Variants in PGAP2 observed in about 807,000 individuals in gnomAD.
PGAP2 encodes the protein acyltransferase PGAP2.
PGAP2 carries 21 observed loss-of-function variants against 33.2 expected under a neutral mutation model. The ratio of observed to expected loss-of-function variants is 0.63; its 90% CI spans 0.45 to 0.91. PGAP2 has a LOEUF of 0.91. PGAP2 is among the 40% of genes least tolerant of loss of function. The pLI, the probability that PGAP2 is intolerant of heterozygous loss-of-function variation, is 0.00. For missense variants in PGAP2, 345 were observed against 424.0 expected (o/e 0.81, Z 1.64); for synonymous variants, 161 against 172.9 (o/e 0.93, Z 0.54).
At chr11:3,822,558 C>T (rs2089051409) in intron 3 of PGAP2, among the ~76,000 whole-genome samples, 1 of 151,870 alleles carries the variant, frequency 6.6e-6, no homozygotes, top group African/African-American at 2.4e-5. Flanking sequence ...CACCTGAGCC[C>T]AGGAGGTCAA....
At chr11:3,821,900 T>TA (rs34183866) in intron 3 of PGAP2, among the ~76,000 whole-genome samples, 44,236 of 139,032 alleles carry the variant, frequency 0.32, 6,892 homozygotes, top group East Asian at 0.41. Flanking sequence ...CTGTTGCTAC[T>TA]AAAAAAAAAA....
In PGAP2 at chr11:3,801,765, C is replaced by T. The variant is rs1249243775; in HGVS notation, c.139+3783C>T. On this transcript the variant is annotated intron_variant, in intron 1 of 6. Transcript: ENST00000300730. ...TTCAAGACCAGCCTGGCCAACACGG[C>T]GAAACCTCATCTCTACTAAAAATAA... is the stretch of plus-strand genomic sequence containing the variant. Among the ~76,000 whole-genome samples the T allele has an allele frequency of 2.6e-5, 4 of 151,266 alleles. 1 individual carries two copies. Among genetic ancestry groups the T allele is most frequent in the Admixed American group, 6.6e-5 (1 of 15,170 alleles).
chr11:3,797,920 G>A (rs2082779899), exon 1 of PGAP2: 1 of 1,548,230 alleles, frequency 6.5e-7, no homozygotes, highest in South Asian at 1.2e-5. Context: ...CCCTTCCTTG[G>A]AGCGCCGCGA....
intron 3 of PGAP2, among the ~76,000 whole-genome samples, chr11:3,823,288 G>A (rs915965302): frequency 1.3e-5 from 2 of 151,656 alleles, no homozygotes; most frequent in Non-Finnish European, 2.9e-5. Flanking sequence ...CACCCACCTC[G>A]GCCTCCCAAA....
upstream of PGAP2, chr11:3,808,461 A>G (rs2084851527): frequency 1.3e-6 from 2 of 1,491,762 alleles, no homozygotes; most frequent in Non-Finnish European, 1.8e-6. Flanking sequence ...GAGGAGAGCC[A>G]GGGGTCGGGG....
chr11:3,797,730 CG>C, upstream of PGAP2: 1 of 1,249,186 alleles, frequency 8.0e-7, no homozygotes, highest in Admixed American at 2.8e-5. Context: ...AGAAGGAGTT[CG>C]GGGAGGCACA....
chr11:3,805,774 C>T (rs1268478730), upstream of PGAP2, among the ~76,000 whole-genome samples: 1 of 151,674 alleles, frequency 6.6e-6, no homozygotes, highest in Non-Finnish European at 1.5e-5. Context: ...GCAACCTCTG[C>T]CTCCCAGGTT....
At chr11:3,814,307 A>G (rs1404764677) in intron 2 of PGAP2, among the ~76,000 whole-genome samples, 1 of 152,048 alleles carries the variant, frequency 6.6e-6, no homozygotes, top group Non-Finnish European at 1.5e-5. Flanking sequence ...CCTAGGCTGG[A>G]GTGCAGTGTT....
intron 1 of PGAP2, among the ~76,000 whole-genome samples, chr11:3,800,355 A>G (rs912673987): frequency 5.9e-5 from 9 of 152,186 alleles, no homozygotes; most frequent in African/African-American, 2.2e-4. Flanking sequence ...GTAGGTACAC[A>G]TTAGATATTT....
chr11:3,818,343 A>C (rs1254647348), intron 3 of PGAP2, among the ~76,000 whole-genome samples: 1 of 138,590 alleles, frequency 7.2e-6, no homozygotes, highest in Non-Finnish European at 1.6e-5. Context: ...AAAAAAAAAA[A>C]CAATAACAGT....
At chr11:3,810,244 C>T (rs977587661) in intron 1 of PGAP2, among the ~76,000 whole-genome samples, 1 of 152,134 alleles carries the variant, frequency 6.6e-6, no homozygotes, top group African/African-American at 2.4e-5. Context: ...CCTCTTCTGC[C>T]TCTCTCACTC....
Position 3,811,526 on chromosome 11 carries a change from C to T in PGAP2, c.165+102C>T, listed in dbSNP as rs1264151180. 2.6e-6 allele frequency: 3 copies of T among 1,136,394 alleles called. No individual in the cohort carries two copies. The highest frequency in any genetic ancestry group is 3.1e-5 in the African/African-American group (2 of 64,270). The allele number at this position is 1,136,394 out of a possible 1,614,324, so 70.4% of individuals were successfully genotyped here. On this transcript the variant is annotated intron_variant, in intron 2 of 6. Coordinates refer to ENST00000278243, the MANE Select transcript of PGAP2 (RefSeq NM_014489.4). This position sits in a 1 kb window ranked among gnomAD's most constrained non-coding sequence, Gnocchi z 4.6. ...GATTAGCCAGCTCTCCACTGGGGCC[C>T]ATCAAACATACGGGGCTGCTGGGGG...
At position 3,826,253 on chromosome 11, in the gene PGAP2, A is replaced by G. The variant is rs532658058; in HGVS notation, c.*795A>G. ...GTCAGATGCAGATCTCTACTGTAAA[A>G]TGGGCTCCCTGGTATCTCCTGTCTT... On this transcript the variant is annotated 3_prime_UTR_variant, in exon 7 of 7. Coordinates refer to ENST00000278243, the MANE Select transcript of PGAP2 (RefSeq NM_014489.4). 2 of 152,330 alleles carry G rather than the reference A, an allele frequency of 1.3e-5. No individual in the cohort carries two copies. The highest frequency in any genetic ancestry group is 1.9e-4 in the East Asian group (1 of 5,198). The allele number at this position is 152,330 out of a possible 1,614,324, so 9.4% of individuals were successfully genotyped here. A position where few individuals can be genotyped will look rare whatever the true frequency, so the allele number is the denominator to read the frequency against.
rs769119517 is a variant in PGAP2 at position 3,817,397 on chromosome 11, C to T, written c.210C>T (p.Asp70=). ...TCTCTGCGGCCTCCCAGCCTTTGGA[C>T]CCCGATGGGACCTTGTTCCGGCTTC... is the stretch of plus-strand genomic sequence containing the variant. ...RMFSAASQPL[D]PDGTLFRLRF... Residue 70 remains aspartate (D), a synonymous_variant, in exon 3 of 7, where the codon GAC becomes GAT. Transcript: ENST00000278243. The T allele has an allele frequency of 3.8e-5, 61 of 1,614,084 alleles. No homozygotes were observed. The highest frequency in any genetic ancestry group is 5.3e-5 in the African/African-American group (4 of 74,934).
chr11:3,807,350 C>T (rs540803054), upstream of PGAP2, among the ~76,000 whole-genome samples: 5 of 143,300 alleles, frequency 3.5e-5, no homozygotes, highest in East Asian at 8.7e-4. Flanking sequence ...TCTTGTCGCC[C>T]ATGCTTGAGT....
In PGAP2 at chr11:3,811,450, C is replaced by T. The variant is rs2085547826; in HGVS notation, c.165+26C>T. 6.3e-7 allele frequency: 1 copy of T among 1,595,616 alleles called. No individual in the cohort carries two copies. The highest frequency in any genetic ancestry group is 1.3e-5 in the African/African-American group (1 of 74,462). On this transcript the variant is annotated intron_variant, in intron 2 of 6. Coordinates refer to ENST00000278243, the MANE Select transcript of PGAP2 (RefSeq NM_014489.4). This position sits in a 1 kb window ranked among gnomAD's most constrained non-coding sequence, Gnocchi z 4.6. ...GTAGGGCATGGGGACACTGATACCT[C>T]ATATTCAGGCCGATCTGGATCTTCT...
At chr11:3,824,658 T>G (rs2089670800) in intron 5 of PGAP2, 1 of 729,636 alleles carries the variant, frequency 1.4e-6, no homozygotes, top group Non-Finnish European at 2.2e-6. Flanking sequence ...CGGCAGTGAG[T>G]TAGGAACAGT....
At chr11:3,798,634 A>ACTTTTT (rs1172054010) in intron 1 of PGAP2, among the ~76,000 whole-genome samples, 785 of 75,766 alleles carry the variant, frequency 0.01, 15 homozygotes, top group African/African-American at 0.049. Context: ...CCCATGAACT[A>ACTTTTT]ATTTTTTTTT....
intron 3 of PGAP2, 21 bp downstream of exon 3, chr11:3,817,556 C>T: frequency 1.9e-6 from 3 of 1,609,342 alleles, no homozygotes; most frequent in Non-Finnish European, 2.6e-6. Flanking sequence ...GCTCCCCAGC[C>T]CCTGGGTCAG....
Sources: allele counts gnomAD v4.1 joint callset (sites outside exome capture counted in the v4.1 genomes callset), GRCh38; gene constraint gnomAD v4.1.1; non-coding constraint Gnocchi (gnomAD v3.1); transcripts MANE v1.5; gene names NCBI Gene and HGNC (gene_info 2026-07-23, HGNC 2026-07-21).